Variants in ITGAV observed in about 807,000 individuals in gnomAD.
ITGAV encodes integrin alpha-V.
Under a neutral mutation model 143.8 loss-of-function variants are expected in ITGAV, and 76 were observed. That is an observed-to-expected ratio of 0.53 (90% CI 0.44 to 0.64). The LOEUF is 0.64. Among genes scored for constraint, ITGAV ranks in the 30% least tolerant of loss-of-function variants. The probability of loss-of-function intolerance (pLI) is 0.00; values close to 1 mark genes in which losing one functional copy is unlikely to be tolerated. For synonymous variants in ITGAV, 453 were observed against 446.7 expected (o/e 1.01, Z -0.18); for missense variants, 1,193 against 1,274.7 (o/e 0.94, Z 0.98).
rs1298845598 is a variant in ITGAV, at chr2:186,625,518, C to T, written c.454C>T (p.Arg152Ter). Reference protein sequence around the residue: ...YHWRTEMKQEREPVGTCFLQD... With the variant: ...YHWRTEMKQE Reference sequence around the variant, plus strand: ...TTGGAGAACTGAGATGAAACAGGAGCGAGAGCCTGTTGGAACATGCTTTCT... The same window carrying T: ...TTGGAGAACTGAGATGAAACAGGAGTGAGAGCCTGTTGGAACATGCTTTCT... The change falls in exon 4 of 30, where the codon CGA (arginine) becomes TGA (stop). Residue 152 changes from arginine (R) to a stop codon, truncating the protein, a stop_gained. Coordinates refer to ENST00000261023, the MANE Select transcript of ITGAV (RefSeq NM_002210.5). LOFTEE classifies it high-confidence loss of function. 1.9e-6 allele frequency: 3 copies of T among 1,613,798 alleles called. No homozygotes were observed. Among genetic ancestry groups the T allele is most frequent in the South Asian group, 1.1e-5 (1 of 91,038 alleles).
chr2:186,667,560 A>T (rs1384417171), intron 23 of ITGAV, 111 bp from the exon 24 acceptor site: 3 of 544,108 alleles, frequency 5.5e-6, no homozygotes, highest in African/African-American at 3.8e-5. Flanking sequence ...AGTATTTTTT[A>T]AAATTAAATC....
At chr2:186,630,025 A>G (rs1300166701) in intron 4 of ITGAV, among the ~76,000 whole-genome samples, 26 of 152,116 alleles carry the variant, frequency 1.7e-4, no homozygotes. Flanking sequence ...TATGGTTGGA[A>G]AATACTTGAA....
chr2:186,643,355 G>A (rs1464072503), intron 12 of ITGAV, among the ~76,000 whole-genome samples: 1 of 152,156 alleles, frequency 6.6e-6, no homozygotes, highest in Admixed American at 6.5e-5. Flanking sequence ...GATGATTATG[G>A]TCTCCCAAGG....
intron 26 of ITGAV, among the ~76,000 whole-genome samples, chr2:186,674,170 C>G (rs1036575680): frequency 6.6e-6 from 1 of 152,126 alleles, no homozygotes; most frequent in African/African-American, 2.4e-5. Flanking sequence ...GAAATAGAAT[C>G]TCACTACGTT....
intron 2 of ITGAV, among the ~76,000 whole-genome samples, chr2:186,606,424 A>G (rs1240841177): frequency 1.3e-5 from 2 of 152,200 alleles, no homozygotes; most frequent in Non-Finnish European, 2.9e-5. Flanking sequence ...GGTGTGGATT[A>G]CATCGCATGA....
At chr2:186,621,575 G>T (rs945846707) in intron 2 of ITGAV, among the ~76,000 whole-genome samples, 1 of 152,060 alleles carries the variant, frequency 6.6e-6, no homozygotes, top group Non-Finnish European at 1.5e-5. Context: ...ATCACATCTT[G>T]CATTCGGTCG....
rs1470134355 is a variant in ITGAV at position 186,669,681 on chromosome 2, T to G, written c.2593-20T>G. The G allele has an allele frequency of 2.0e-6, 3 of 1,534,346 alleles. No homozygotes were observed. The Admixed American group carries it at 5.4e-5, about 27-fold the overall frequency. On this transcript the variant is annotated intron_variant, in intron 25 of 29. Transcript: ENST00000261023. ...TTTTCATTATCATTTACCACCATTT[T>G]ATTAATGTGATTGCATTAGATCTCA...
intron 24 of ITGAV, among the ~76,000 whole-genome samples, chr2:186,668,211 TA>T (rs1474025755): frequency 2.2e-3 from 58 of 26,346 alleles, no homozygotes; most frequent in Non-Finnish European, 3.2e-3. Context: ...TATATATATA[TA>T]TATATTTTTT....
intron 10 of ITGAV, 106 bp from the exon 11 acceptor site, chr2:186,640,809 T>C (rs753407935): frequency 1.2e-6 from 1 of 819,240 alleles, no homozygotes; most frequent in Non-Finnish European, 2.0e-6. Context: ...TGAAGCACTA[T>C]ATGCAGAGAA....
intron 16 of ITGAV, among the ~76,000 whole-genome samples, chr2:186,655,472 A>G (rs1340581988): frequency 6.6e-6 from 1 of 152,222 alleles, no homozygotes; most frequent in African/African-American, 2.4e-5. Flanking sequence ...CTGAAGCGGA[A>G]AATGTGCTCA....
chr2:186,628,066 A>G (rs908381871), intron 4 of ITGAV, among the ~76,000 whole-genome samples: 3 of 152,152 alleles, frequency 2.0e-5, no homozygotes, highest in African/African-American at 7.2e-5. Flanking sequence ...CAATCCACCT[A>G]TAGCTATGGG....
intron 3 of ITGAV, among the ~76,000 whole-genome samples, chr2:186,625,225 A>C (rs887167364): frequency 4.6e-5 from 7 of 151,990 alleles, no homozygotes; most frequent in African/African-American, 1.7e-4. Flanking sequence ...AATTTTTAAA[A>C]ATTAGCCAGG....
At chr2:186,669,599 A>T in intron 25 of ITGAV, 102 bp from the exon 26 acceptor site, 1 of 752,184 alleles carries the variant, frequency 1.3e-6, no homozygotes, top group Non-Finnish European at 2.2e-6. Flanking sequence ...CTAAATTTTC[A>T]TTCACTATTT....
intron 7 of ITGAV, 151 bp downstream of exon 7, chr2:186,636,358 T>A: frequency 3.3e-6 from 2 of 612,886 alleles, no homozygotes; most frequent in South Asian, 4.7e-5. Context: ...TGTTAATGAG[T>A]ACTTTGGTTA....
chr2:186,672,299 C>T (rs559711396), intron 26 of ITGAV, among the ~76,000 whole-genome samples: 2 of 152,204 alleles, frequency 1.3e-5, no homozygotes, highest in East Asian at 3.9e-4. Context: ...GGACATACCA[C>T]CTTTTGTTTA....
At chr2:186,595,133 C>G (rs1266606280) in intron 1 of ITGAV, among the ~76,000 whole-genome samples, 1 of 152,134 alleles carries the variant, frequency 6.6e-6, no homozygotes, top group Non-Finnish European at 1.5e-5. Context: ...ACATTCAGTA[C>G]TATTTCATAC....
At chr2:186,639,140 T>G (rs1246093101) in intron 10 of ITGAV, among the ~76,000 whole-genome samples, 5 of 152,206 alleles carry the variant, frequency 3.3e-5, no homozygotes, top group Non-Finnish European at 7.3e-5. Flanking sequence ...AAAAAAATGC[T>G]AGTACTTTTT....
chr2:186,603,688 G>C (rs1686976219), intron 2 of ITGAV, among the ~76,000 whole-genome samples: 1 of 152,160 alleles, frequency 6.6e-6, no homozygotes, highest in African/African-American at 2.4e-5. Context: ...GAACTCTTCA[G>C]ATGTTTCTGT....
chr2:186,641,057 G>C lies in ITGAV; in HGVS notation c.956+90G>C, dbSNP rs747252899. ...CTAAACATTTTTTTCTTCTGTTTTT[G>C]TATTCCTTTTCTGCTAATCTTTCTG... On this transcript the variant is annotated intron_variant, in intron 11 of 29. Coordinates refer to ENST00000261023, the MANE Select transcript of ITGAV (RefSeq NM_002210.5). The C allele has an allele frequency of 5.0e-6, 5 of 1,004,138 alleles. No individual in the cohort carries two copies. The South Asian group carries it at 5.9e-5, about 12-fold the overall frequency. 62.2% of individuals were successfully genotyped at this position (1,004,138 alleles called of 1,614,324 possible). A position where few individuals can be genotyped will look rare whatever the true frequency, so the allele number is the denominator to read the frequency against.
Sources: allele counts gnomAD v4.1 joint callset (sites outside exome capture counted in the v4.1 genomes callset), GRCh38; gene constraint gnomAD v4.1.1; transcripts MANE v1.5; gene names NCBI Gene and HGNC (gene_info 2026-07-23, HGNC 2026-07-21).